Variants in SND1 observed in about 807,000 individuals in gnomAD.
The protein encoded by SND1 is staphylococcal nuclease domain-containing protein 1.
In SND1, 38 loss-of-function variants were observed where a neutral mutation model predicts 121.7. The ratio of observed to expected loss-of-function variants is 0.31; its 90% CI spans 0.24 to 0.41. The LOEUF (loss-of-function observed/expected upper bound fraction) is 0.41. Ranked by LOEUF, SND1 falls within the 10% of genes least tolerant of loss-of-function variation. The pLI is 1.00. For missense variants in SND1, 868 were observed against 1,184.6 expected (o/e 0.73, Z 3.92); for synonymous variants, 401 against 447.4 (o/e 0.90, Z 1.31).
chr7:128,028,485 T>A, intron 16 of SND1: 11 of 519,254 alleles, frequency 2.1e-5, no homozygotes, highest in East Asian at 3.6e-5. Flanking sequence ...CCCCTTTAAA[T>A]AGAACTTACA....
intron 10 of SND1, among the ~76,000 whole-genome samples, chr7:127,738,727 C>T (rs1796824743): frequency 6.6e-6 from 1 of 152,168 alleles, no homozygotes; most frequent in South Asian, 2.1e-4. Context: ...AGGATCATCT[C>T]TTCAGATAAA....
At position 127,787,257 on chromosome 7, in the gene SND1, C is replaced by T. The variant is rs567316854; in HGVS notation, c.1153-20227C>T. Among the ~76,000 whole-genome samples the T allele has an allele frequency of 2.6e-5, 4 of 152,224 alleles. No individual in the cohort carries two copies. The South Asian group carries it at 8.3e-4, about 32-fold the overall frequency. ...TTGTTTGTTTGTTTTTGAGGGGGGA[C>T]AGGGCCTTGCTCTGTTACCCAGGTT... is the stretch of plus-strand genomic sequence containing the variant. On this transcript the variant is annotated intron_variant, in intron 10 of 23. Coordinates refer to ENST00000354725, the MANE Select transcript of SND1 (RefSeq NM_014390.4).
intron 10 of SND1, 65 bp from the exon 11 acceptor site, chr7:127,807,419 T>C (rs1798256067): frequency 4.0e-6 from 5 of 1,239,850 alleles, no homozygotes; most frequent in Non-Finnish European, 5.9e-6. Context: ...TCCTATATCT[T>C]GTGCTGTTGT....
intron 1 of SND1, among the ~76,000 whole-genome samples, chr7:127,679,437 T>A (rs1475058087): frequency 6.6e-6 from 1 of 151,024 alleles, no homozygotes; most frequent in Non-Finnish European, 1.5e-5. Flanking sequence ...GACCTTAAAA[T>A]TTTTTTTTTA....
At chr7:127,680,038 T>A (rs1587590556) in intron 1 of SND1, among the ~76,000 whole-genome samples, 2 of 151,774 alleles carry the variant, frequency 1.3e-5, no homozygotes, top group South Asian at 4.2e-4. Context: ...AGGGACAGAG[T>A]ACAAAAGAGA....
At chr7:127,875,606 A>AT (rs946945806) in intron 12 of SND1, among the ~76,000 whole-genome samples, 2 of 152,170 alleles carry the variant, frequency 1.3e-5, no homozygotes, top group African/African-American at 4.8e-5. Flanking sequence ...GCTTCTAATC[A>AT]TGGCTCTGCC....
intron 15 of SND1, among the ~76,000 whole-genome samples, chr7:127,975,750 G>T (rs1802104742): frequency 6.6e-6 from 1 of 152,128 alleles, no homozygotes; most frequent in African/African-American, 2.4e-5. Context: ...AGAAGGGGTG[G>T]CTCCTCTCTT....
chr7:127,921,133 GGTAGA>G (rs1366419390), intron 14 of SND1, among the ~76,000 whole-genome samples: 3 of 152,100 alleles, frequency 2.0e-5, no homozygotes, highest in Admixed American at 1.3e-4. Context: ...TTTATTTCAA[GGTAGA>G]AAAGAAATGT....
chr7:127,691,458 T>G (rs1246974385), intron 2 of SND1, among the ~76,000 whole-genome samples: 2 of 151,778 alleles, frequency 1.3e-5, no homozygotes, highest in East Asian at 3.9e-4. Context: ...GCAGGAGAAT[T>G]GCTTGAACCC....
intron 10 of SND1, among the ~76,000 whole-genome samples, chr7:127,728,208 A>G (rs1796615455): frequency 6.6e-6 from 1 of 151,054 alleles, no homozygotes; most frequent in Admixed American, 6.6e-5. Context: ...CTTTCCCAGG[A>G]TCTTGCTTAT....
At position 128,085,934 on chromosome 7, in the gene SND1, C is replaced by G. The variant is rs1160853639; in HGVS notation, c.2304+154C>G. ...GTGCGTGTAACAGGCCAGGCCCCCT[C>G]AGTGACCTGGCAAAACTGGGGTCTA... On this transcript the variant is annotated intron_variant, in intron 20 of 23. Transcript: ENST00000354725. This position sits in a 1 kb window ranked among gnomAD's most constrained non-coding sequence, Gnocchi z 4.4. 6.6e-6 allele frequency among the ~76,000 whole-genome samples: 1 copy of G among 152,294 alleles called. No homozygotes were observed. The highest frequency in any genetic ancestry group is 1.9e-4 in the East Asian group (1 of 5,186).
chr7:128,088,641 CAG>C (rs1017935020), intron 21 of SND1, among the ~76,000 whole-genome samples: 3 of 151,780 alleles, frequency 2.0e-5, no homozygotes, highest in African/African-American at 7.3e-5. Flanking sequence ...TCAGTAGAGA[CAG>C]GGTTTCACCA....
chr7:127,860,262 G>A (rs554164582), intron 12 of SND1, among the ~76,000 whole-genome samples: 1 of 152,270 alleles, frequency 6.6e-6, no homozygotes, highest in Non-Finnish European at 1.5e-5. Context: ...TCAGTGGTGG[G>A]AATGTTTATG....
intron 17 of SND1, among the ~76,000 whole-genome samples, chr7:128,075,016 G>A (rs1184117077): frequency 2.0e-5 from 3 of 152,310 alleles, no homozygotes; most frequent in South Asian, 2.1e-4. Flanking sequence ...TGCCCGGGGC[G>A]CCCCTCCCTC....
At chr7:127,898,460 T>C (rs550244139) in intron 13 of SND1, among the ~76,000 whole-genome samples, 4 of 152,254 alleles carry the variant, frequency 2.6e-5, no homozygotes, top group African/African-American at 9.6e-5. Flanking sequence ...TTCTGAGTGG[T>C]GCCACCCTGT....
rs144750428 is a variant in SND1 at position 127,740,468 on chromosome 7, C to T, written c.1152+19068C>T. 4.6e-5 allele frequency among the ~76,000 whole-genome samples: 7 copies of T among 152,280 alleles called. No homozygotes were observed. In the East Asian group the frequency reaches 1.2e-3, roughly 25 times the overall value. ...GAGTCCCCAAAGAATCACAGCAACT[C>T]ATCTGTGTATCAAGCAGCAGAACCG... On this transcript the variant is annotated intron_variant, in intron 10 of 23. Transcript: ENST00000354725.
Position 128,029,113 on chromosome 7 carries a change from C to T in SND1, c.1779+38057C>T. On this transcript the variant is annotated intron_variant, in intron 16 of 23. Transcript: ENST00000354725. This position sits in a 1 kb window ranked among gnomAD's most constrained non-coding sequence, Gnocchi z 4.2. ...CTGGTCTGCATCTTGTCAGTGGTGT[C>T]TGTCGCGGGTACTGCCACCTGCTTG... 6.2e-7 allele frequency: 1 copy of T among 1,614,168 alleles called. No individual in the cohort carries two copies. The highest frequency in any genetic ancestry group is 1.1e-5 in the South Asian group (1 of 91,070).
At chr7:127,766,705 G>T (rs1797423328) in intron 10 of SND1, among the ~76,000 whole-genome samples, 5 of 134,808 alleles carry the variant, frequency 3.7e-5, no homozygotes. Flanking sequence ...CCAGGAGGCG[G>T]AGCTTGCAGT....
At chr7:127,804,007 A>G (rs1798184765) in intron 10 of SND1, among the ~76,000 whole-genome samples, 2 of 152,266 alleles carry the variant, frequency 1.3e-5, no homozygotes, top group South Asian at 4.1e-4. Flanking sequence ...ATTTTTTCCT[A>G]TTTTTATTTT....
Sources: allele counts gnomAD v4.1 joint callset (sites outside exome capture counted in the v4.1 genomes callset), GRCh38; gene constraint gnomAD v4.1.1; non-coding constraint Gnocchi (gnomAD v3.1); transcripts MANE v1.5; gene names NCBI Gene and HGNC (gene_info 2026-07-23, HGNC 2026-07-21).